TMEM181: variants seen among roughly 807,000 people sequenced by gnomAD.
TMEM181 encodes transmembrane protein 181, also known as G protein-coupled receptor 178.
Under a neutral mutation model 71.9 loss-of-function variants are expected in TMEM181, and 39 were observed. The ratio of observed to expected loss-of-function variants is 0.54; its 90% CI spans 0.42 to 0.71. TMEM181 has a LOEUF of 0.71. Among genes scored for constraint, TMEM181 ranks in the 30% least tolerant of loss-of-function variants. The probability of loss-of-function intolerance (pLI) is 0.00; values close to 1 mark genes in which losing one functional copy is unlikely to be tolerated. For missense variants in TMEM181, 595 were observed against 583.0 expected, an observed-to-expected ratio of 1.02 and a Z score of -0.21; for synonymous variants, 245 against 228.8, an observed-to-expected ratio of 1.07 and a Z score of -0.64.
chr6:158,571,939 C>G (rs1782873889), intron 1 of TMEM181, among the ~76,000 whole-genome samples: 1 of 152,242 alleles, frequency 6.6e-6, no homozygotes. Context: ...GGCCCCAGAG[C>G]TGAGTTGGGG....
At position 158,568,801 on chromosome 6, in the gene TMEM181, C is replaced by T. The variant is rs532477782; in HGVS notation, c.9-4619C>T. ...GCCGCTGTGGTCACTGAGCTGGTCTCACAGCAGGGGGCTAGGTTAGTTCTG... is the reference window on the plus strand; with the variant it reads ...GCCGCTGTGGTCACTGAGCTGGTCTTACAGCAGGGGGCTAGGTTAGTTCTG... On this transcript the variant is annotated intron_variant, in intron 1 of 16. Transcript: ENST00000684151. Among the ~76,000 whole-genome samples, 35 of 152,276 alleles carry T rather than the reference C, an allele frequency of 2.3e-4. No individual in the cohort carries two copies. The South Asian group carries it at 7.0e-3, about 31-fold the overall frequency.
intron 1 of TMEM181, 152 bp from the exon 2 acceptor site, chr6:158,573,268 T>G (rs1366096752): frequency 1.6e-6 from 1 of 615,464 alleles, no homozygotes; most frequent in East Asian, 2.7e-5. Flanking sequence ...GTCAGGAGGT[T>G]ACCTGGTGGC....
intron 1 of TMEM181, among the ~76,000 whole-genome samples, chr6:158,561,881 A>G (rs186000176): frequency 6.6e-6 from 1 of 152,180 alleles, no homozygotes; most frequent in Non-Finnish European, 1.5e-5. Flanking sequence ...CTACCTGGAA[A>G]CTGAGAAGAG....
chr6:158,559,215 T>C (rs1782018432), upstream of TMEM181, among the ~76,000 whole-genome samples: 1 of 152,064 alleles, frequency 6.6e-6, no homozygotes, highest in Non-Finnish European at 1.5e-5. Context: ...TAGGCACCCT[T>C]CCTCACTGTA....
intron 6 of TMEM181, among the ~76,000 whole-genome samples, chr6:158,590,318 G>A (rs1784035322): frequency 6.6e-6 from 1 of 151,690 alleles, no homozygotes; most frequent in Non-Finnish European, 1.5e-5. Context: ...TTTCTTATCT[G>A]TAAAATAGCT....
intron 2 of TMEM181, among the ~76,000 whole-genome samples, chr6:158,577,813 G>A (rs1582973832): frequency 6.6e-6 from 1 of 152,164 alleles, no homozygotes; most frequent in Non-Finnish European, 1.5e-5. Context: ...ACTGTTGGCC[G>A]GGTGCAGTGG....
intron 1 of TMEM181, among the ~76,000 whole-genome samples, chr6:158,562,199 A>G (rs1184355239): frequency 1.3e-5 from 2 of 152,204 alleles, no homozygotes; most frequent in Non-Finnish European, 2.9e-5. Context: ...ATTGCCATCA[A>G]AACTCATCAG....
At chr6:158,606,867 G>T (rs145364079) in intron 7 of TMEM181, among the ~76,000 whole-genome samples, 10 of 152,336 alleles carry the variant, frequency 6.6e-5, no homozygotes, top group Non-Finnish European at 1.3e-4. Context: ...GTCCTGGGTG[G>T]GTTCGTCTGA....
chr6:158,605,399 TG>T lies in TMEM181; in HGVS notation c.573+54del, dbSNP rs761162520. On this transcript the variant is annotated intron_variant, in intron 7 of 16. Coordinates refer to ENST00000684151, the MANE Select transcript of TMEM181 (RefSeq NM_001376852.1). ...CAGCAGATCCCAGCCAGGAAGAAGC[TG>T]GTTTATGCAGTTAGGATCTTCGGTG... 1.9e-6 allele frequency: 3 copies of T among 1,550,960 alleles called. No homozygotes were observed. In the South Asian group the frequency reaches 3.3e-5, roughly 17 times the overall value.
intron 6 of TMEM181, among the ~76,000 whole-genome samples, chr6:158,599,893 C>T (rs1438821161): frequency 1.3e-5 from 2 of 152,206 alleles, no homozygotes; most frequent in Non-Finnish European, 1.5e-5. Context: ...GGTGATTCTG[C>T]TTGGCTGCTG....
rs922821793 is a variant in TMEM181 at position 158,600,028 on chromosome 6, C to T, written c.493-5239C>T. ...GGAGTGTGATGAAGGCGCCGCGTGCCTCCTGCAGGCCACATAGCAGGTTTG... is the reference window on the plus strand; with the variant it reads ...GGAGTGTGATGAAGGCGCCGCGTGCTTCCTGCAGGCCACATAGCAGGTTTG... On this transcript the variant is annotated intron_variant, in intron 6 of 16. Coordinates refer to ENST00000684151, the MANE Select transcript of TMEM181 (RefSeq NM_001376852.1). Among the ~76,000 whole-genome samples, 7 of 152,228 alleles carry T rather than the reference C, an allele frequency of 4.6e-5. No homozygotes were observed. The East Asian group carries it at 1.2e-3, about 25-fold the overall frequency.
chr6:158,615,235 C>T (rs962330736), intron 10 of TMEM181, among the ~76,000 whole-genome samples: 21 of 152,154 alleles, frequency 1.4e-4, no homozygotes, highest in Non-Finnish European at 2.2e-4. Flanking sequence ...TCTCTGATGG[C>T]CAGTGATGAT....
In TMEM181 at chr6:158,589,777, T is replaced by C. The variant is rs1463195469; in HGVS notation, c.487T>C (p.Phe163Leu). 1 of 1,609,770 alleles carries C rather than the reference T, an allele frequency of 6.2e-7. No individual in the cohort carries two copies. The highest frequency in any genetic ancestry group is 2.2e-5 in the East Asian group (1 of 44,860). ...GAAGCTCCCCATCAAGGGAATGAACTTCACAGTAAGTATACCAGCTGACTG... is the reference window on the plus strand; with the variant it reads ...GAAGCTCCCCATCAAGGGAATGAACCTCACAGTAAGTATACCAGCTGACTG... ...HLKLPIKGMN[F>L]TWKTYNPAFS... The change falls in exon 6 of 17, where the codon TTC becomes CTC. Residue 163 changes from phenylalanine to leucine, a missense_variant. Transcript: ENST00000684151.
In TMEM181 at chr6:158,625,127, G is replaced by A. The variant is rs758813696; in HGVS notation, c.978G>A (p.Val326=). 10 of 1,614,056 alleles carry A rather than the reference G, an allele frequency of 6.2e-6. No homozygotes were observed. The Admixed American group carries it at 1.2e-4, about 19-fold the overall frequency. Residue 326 remains valine, a synonymous_variant, in exon 12 of 17, where the codon GTG becomes GTA. Coordinates refer to ENST00000684151, the MANE Select transcript of TMEM181 (RefSeq NM_001376852.1). ...AGGGAATGAAGGTCTTCTTCATGGT[G>A]GTGGCAGCGGTGTACATTCTGTACC... ...NFQGMKVFFM[V]VAAVYILYLL...
intron 13 of TMEM181, among the ~76,000 whole-genome samples, chr6:158,626,101 A>G (rs1471445739): frequency 3.9e-5 from 6 of 152,244 alleles, no homozygotes; most frequent in African/African-American, 1.4e-4. Context: ...CCCCAGGGAC[A>G]GGACTCTAAG....
upstream of TMEM181, among the ~76,000 whole-genome samples, chr6:158,559,195 C>T (rs899233974): frequency 6.6e-6 from 1 of 152,094 alleles, no homozygotes; most frequent in African/African-American, 2.4e-5. Context: ...TCCACTCCCC[C>T]AAGGCGAGTT....
intron 1 of TMEM181, among the ~76,000 whole-genome samples, chr6:158,547,575 G>T (rs974320544): frequency 1.3e-5 from 2 of 152,150 alleles, no homozygotes; most frequent in African/African-American, 4.8e-5. Context: ...TTGACACAGG[G>T]TCTCCCCCCT....
At chr6:158,628,306 G>A in intron 13 of TMEM181, 102 bp from the exon 14 acceptor site, 1 of 1,068,574 alleles carries the variant, frequency 9.4e-7, no homozygotes, top group South Asian at 1.3e-5. Context: ...AAATCATAGT[G>A]TACAGACGGA....
chr6:158,624,302 C>T (rs533415458), intron 11 of TMEM181, among the ~76,000 whole-genome samples: 9 of 152,224 alleles, frequency 5.9e-5, no homozygotes, highest in Non-Finnish European at 1.2e-4. Flanking sequence ...CTTTGCTTTA[C>T]GTAAGGTCCC....
Sources: gnomAD v4.1 joint callset for allele counts (sites outside exome capture counted in the v4.1 genomes callset) on GRCh38, gnomAD v4.1.1 for gene constraint, MANE v1.5 for transcripts, NCBI Gene and HGNC (gene_info 2026-07-23, HGNC 2026-07-21) for gene names.